ZNF420: variants seen among roughly 807,000 people sequenced by gnomAD.
The protein encoded by ZNF420 is ATM and p53-associated KZNF protein.
ZNF420 carries 31 observed loss-of-function variants against 44.7 expected under a neutral mutation model. That is an observed-to-expected ratio of 0.69 (90% confidence interval 0.52 to 0.94). The LOEUF (loss-of-function observed/expected upper bound fraction) is 0.94, where lower values mean the gene tolerates loss of function less well. ZNF420 is among the 40% of genes least tolerant of loss of function. ZNF420 has a pLI of 0.00. For synonymous variants in ZNF420, 245 were observed against 267.4 expected, an observed-to-expected ratio of 0.92 and a Z score of 0.82; for missense variants, 681 against 827.9, an observed-to-expected ratio of 0.82 and a Z score of 2.18.
chr19:37,081,995 T>C (rs1385342734), intron 2 of ZNF420, among the ~76,000 whole-genome samples: 2 of 152,182 alleles, frequency 1.3e-5, no homozygotes, highest in Non-Finnish European at 2.9e-5. Flanking sequence ...TTGCTTGATA[T>C]TTAATGTAGC....
intron 1 of ZNF420, among the ~76,000 whole-genome samples, chr19:37,043,410 G>A (rs535941239): frequency 2.1e-4 from 32 of 152,332 alleles, no homozygotes; most frequent in Admixed American, 9.8e-4. Flanking sequence ...AAGGCAAAAA[G>A]TATCCTCAAC....
At chr19:37,103,593 T>G (rs951794476) in intron 4 of ZNF420, among the ~76,000 whole-genome samples, 3 of 152,232 alleles carry the variant, frequency 2.0e-5, no homozygotes, top group Non-Finnish European at 4.4e-5. Flanking sequence ...GAGAGATTCT[T>G]GCTTCCTTGT....
chr19:37,115,747 C>A (rs12463328), intron 4 of ZNF420, among the ~76,000 whole-genome samples: 3 of 151,830 alleles, frequency 2.0e-5, no homozygotes, highest in Non-Finnish European at 4.4e-5. Flanking sequence ...AGACCCTTTA[C>A]GGGTGTTGGG....
upstream of ZNF420, among the ~76,000 whole-genome samples, chr19:37,073,634 G>A (rs913050669): frequency 2.6e-5 from 4 of 151,898 alleles, no homozygotes; most frequent in Admixed American, 6.6e-5. Context: ...CCAGCTACTT[G>A]GGAGGCTGAG....
chr19:37,127,375 A>G lies in ZNF420; in HGVS notation c.384A>G (p.Gln128=), dbSNP rs199784240. The G allele has an allele frequency of 4.0e-5, 64 of 1,613,296 alleles. No individual in the cohort carries two copies. In the African/African-American group the frequency reaches 5.1e-4, roughly 13 times the overall value. Reference sequence around the variant, plus strand: ...TCAACCAGCATACTTACTTATCTCAACATTCAAGATGTCATTCTACTGAGA... The same window carrying G: ...TCAACCAGCATACTTACTTATCTCAGCATTCAAGATGTCATTCTACTGAGA... ...SIFNQHTYLS[Q]HSRCHSTEKP... Residue 128 remains glutamine, a synonymous_variant, in exon 5 of 5, where the codon CAA becomes CAG. Coordinates refer to ENST00000337995, the MANE Select transcript of ZNF420 (RefSeq NM_144689.5).
chr19:37,079,151 G>A (rs1968285658), intron 1 of ZNF420, among the ~76,000 whole-genome samples: 1 of 152,168 alleles, frequency 6.6e-6, no homozygotes, highest in Non-Finnish European at 1.5e-5. Context: ...CTCTGACAAG[G>A]TGCTTGGATG....
intron 1 of ZNF420, among the ~76,000 whole-genome samples, chr19:37,027,935 A>G (rs1467836252): frequency 2.0e-5 from 3 of 152,194 alleles, no homozygotes; most frequent in Non-Finnish European, 2.9e-5. Context: ...TTATTTGGGT[A>G]TGTAACAAAG....
intron 1 of ZNF420, chr19:37,024,748 C>T (rs1189760730): frequency 6.6e-6 from 1 of 152,120 alleles, no homozygotes; most frequent in South Asian, 2.1e-4. Context: ...CCACGCCTGG[C>T]CTTAATTTTT....
Position 37,129,038 on chromosome 19 carries a change from G to A in ZNF420, c.2047G>A (p.Gly683Ser), listed in dbSNP as rs143641621. The A allele has an allele frequency of 2.4e-4, 379 of 1,611,086 alleles. 2 individuals are homozygous for A. The East Asian group carries it at 7.1e-3, about 30-fold the overall frequency. ...YKECGIDFSH[G>S]SQVYM Reference sequence around the variant, plus strand: ...GGAATGTGGGATTGACTTTAGTCATGGCTCACAAGTTTACATGTGAATTGT... The same window carrying A: ...GGAATGTGGGATTGACTTTAGTCATAGCTCACAAGTTTACATGTGAATTGT... Residue 683 changes from glycine to serine, a missense_variant, in exon 5 of 5, where the codon GGC becomes AGC. Physicochemically the swap from Gly to Ser is moderately conservative, Grantham distance 56. Transcript: ENST00000337995.
intron 1 of ZNF420, among the ~76,000 whole-genome samples, chr19:37,035,360 A>AT (rs535203022): frequency 3.3e-5 from 5 of 152,086 alleles, no homozygotes; most frequent in South Asian, 2.1e-4. Context: ...TCAAGTTTAT[A>AT]TTTTTTTTCC....
chr19:37,040,110 G>A (rs1967426020), intron 1 of ZNF420, among the ~76,000 whole-genome samples: 1 of 152,142 alleles, frequency 6.6e-6, no homozygotes, highest in Admixed American at 6.5e-5. Context: ...ATAGAAGGCT[G>A]TTTCATCTAC....
At chr19:37,095,840 C>T (rs1356190389) in intron 4 of ZNF420, among the ~76,000 whole-genome samples, 1 of 152,134 alleles carries the variant, frequency 6.6e-6, no homozygotes, top group Non-Finnish European at 1.5e-5. Flanking sequence ...CTCAGGTGAT[C>T]CACCCACCTC....
intron 1 of ZNF420, among the ~76,000 whole-genome samples, chr19:37,071,772 G>A (rs1049995382): frequency 4.0e-5 from 6 of 151,888 alleles, no homozygotes. Flanking sequence ...CTGCACTCCA[G>A]CCTGGGCAAC....
intron 4 of ZNF420, among the ~76,000 whole-genome samples, chr19:37,120,546 C>T (rs1397353987): frequency 2.0e-5 from 3 of 152,124 alleles, no homozygotes; most frequent in Non-Finnish European, 2.9e-5. Context: ...TGGAAGCACT[C>T]ACTTTGAAAA....
intron 3 of ZNF420, among the ~76,000 whole-genome samples, chr19:37,089,516 T>C (rs1969014919): frequency 6.6e-6 from 1 of 152,158 alleles, no homozygotes; most frequent in African/African-American, 2.4e-5. Flanking sequence ...ACTCTCAGTA[T>C]GTGGCAAGCG....
intron 4 of ZNF420, among the ~76,000 whole-genome samples, chr19:37,103,897 A>G (rs778420073): frequency 2.6e-5 from 4 of 151,620 alleles, no homozygotes; most frequent in Admixed American, 6.6e-5. Context: ...ATATAGCTCC[A>G]TTTCTTTGCT....
At chr19:37,115,436 G>A (rs1970621457) in intron 4 of ZNF420, among the ~76,000 whole-genome samples, 1 of 151,992 alleles carries the variant, frequency 6.6e-6, no homozygotes, top group African/African-American at 2.4e-5. Flanking sequence ...GGGTAATAGT[G>A]GGGAGAGGGT....
intron 1 of ZNF420, among the ~76,000 whole-genome samples, chr19:37,062,884 G>C (rs1967901308): frequency 6.6e-6 from 1 of 152,188 alleles, no homozygotes. Context: ...AGTTAGTTAA[G>C]ATCATCTGGA....
chr19:37,012,922 C>T (rs144167851), intron 1 of ZNF420, among the ~76,000 whole-genome samples: 148 of 151,958 alleles, frequency 9.7e-4, no homozygotes, highest in African/African-American at 3.5e-3. Flanking sequence ...TCTTGTGCAC[C>T]GGAGTGCTGT....
Sources: allele counts gnomAD v4.1 joint callset (sites outside exome capture counted in the v4.1 genomes callset), GRCh38; gene constraint gnomAD v4.1.1; transcripts MANE v1.5; gene names NCBI Gene and HGNC (gene_info 2026-07-23, HGNC 2026-07-21).